Variants in CREBRF observed in about 807,000 individuals in gnomAD.
The protein encoded by CREBRF is UPF0474 protein C5orf41.
CREBRF carries 5 observed loss-of-function variants against 66.1 expected under a neutral mutation model. The observed-to-expected ratio is 0.08, with a 90% CI of 0.04 to 0.16. CREBRF has a LOEUF of 0.16. Among genes scored for constraint, CREBRF ranks in the 10% least tolerant of loss-of-function variants. The pLI is 1.00. For missense variants in CREBRF, 531 were observed against 744.9 expected (o/e 0.71, Z 3.34); for synonymous variants, 229 against 264.4 (o/e 0.87, Z 1.30).
At chr5:173,120,195 CT>C (rs929373557) in intron 7 of CREBRF, among the ~76,000 whole-genome samples, 4 of 151,802 alleles carry the variant, frequency 2.6e-5, no homozygotes, top group African/African-American at 9.7e-5. Context: ...ATCTCTCTTT[CT>C]TTTTTGTTTG....
At chr5:173,065,208 T>C (rs1757398964) in intron 1 of CREBRF, among the ~76,000 whole-genome samples, 1 of 152,198 alleles carries the variant, frequency 6.6e-6, no homozygotes, top group South Asian at 2.1e-4. Flanking sequence ...GAAAAAGTGG[T>C]GTTTGAACTT....
chr5:173,132,766 A>G (rs1240900766), intron 8 of CREBRF, among the ~76,000 whole-genome samples: 1 of 147,676 alleles, frequency 6.8e-6, no homozygotes, highest in Non-Finnish European at 1.5e-5. Context: ...CACCTGGGTA[A>G]TTTTGTGTTT....
intron 4 of CREBRF, among the ~76,000 whole-genome samples, chr5:173,093,811 C>G (rs1452904632): frequency 6.6e-6 from 1 of 152,208 alleles, no homozygotes; most frequent in Non-Finnish European, 1.5e-5. Context: ...GCCACCACAC[C>G]CAGCCCAGTA....
chr5:173,070,519 G>A (rs902738775), intron 1 of CREBRF, among the ~76,000 whole-genome samples: 1 of 152,024 alleles, frequency 6.6e-6, no homozygotes, highest in South Asian at 2.1e-4. Flanking sequence ...AAATAATGAC[G>A]AGGGAGAGAA....
At chr5:173,096,320 CAG>C (rs1366382716) in intron 4 of CREBRF, among the ~76,000 whole-genome samples, 1 of 152,140 alleles carries the variant, frequency 6.6e-6, no homozygotes, top group East Asian at 1.9e-4. Context: ...CATCTACTAA[CAG>C]AGACAATTTC....
intron 5 of CREBRF, 99 bp downstream of exon 5, chr5:173,108,917 C>G (rs1758810179): frequency 1.9e-6 from 2 of 1,067,714 alleles, no homozygotes; most frequent in Middle Eastern, 2.2e-4. Context: ...TCAGCCCTTC[C>G]TAGCAAACTG....
rs1757045148 is a variant in CREBRF, at chr5:173,056,516, G to C, written c.-192+37G>C. 7.5e-6 allele frequency: 3 copies of C among 398,210 alleles called. No individual in the cohort carries two copies. The South Asian group carries it at 3.8e-4, about 51-fold the overall frequency. The allele number at this position is 398,210 out of a possible 1,614,324, so 24.7% of individuals were successfully genotyped here. On this transcript the variant is annotated intron_variant, in intron 1 of 8. Coordinates refer to ENST00000296953, the MANE Select transcript of CREBRF (RefSeq NM_153607.3). ...CACCCGCTGCTCGGAACCCCCAGGGGCCTGGGCTGGGGGAAGAGCGGAACG... is the reference window on the plus strand; with the variant it reads ...CACCCGCTGCTCGGAACCCCCAGGGCCCTGGGCTGGGGGAAGAGCGGAACG...
intron 4 of CREBRF, among the ~76,000 whole-genome samples, chr5:173,099,161 T>C (rs1040820595): frequency 2.0e-5 from 3 of 152,200 alleles, no homozygotes; most frequent in African/African-American, 7.2e-5. Context: ...ACATGCATCC[T>C]TTTTATTTTT....
chr5:173,073,252 C>T (rs1380895835), intron 1 of CREBRF, among the ~76,000 whole-genome samples: 2 of 152,126 alleles, frequency 1.3e-5, no homozygotes, highest in African/African-American at 2.4e-5. Flanking sequence ...AATCTCTTAC[C>T]CTTGCTGTAC....
At chr5:173,096,528 C>T (rs1013536319) in intron 4 of CREBRF, among the ~76,000 whole-genome samples, 12 of 145,086 alleles carry the variant, frequency 8.3e-5, no homozygotes, top group African/African-American at 2.6e-4. Flanking sequence ...GCCCCTTCCC[C>T]CTCCCCTCCC....
chr5:173,100,078 T>TTGTGCGTG (rs1758579758), intron 4 of CREBRF, among the ~76,000 whole-genome samples: 1 of 69,146 alleles, frequency 1.4e-5, no homozygotes, highest in East Asian at 3.4e-4. Context: ...GGCTAATCTT[T>TTGTGCGTG]TGTGTGTGTG....
At chr5:173,072,046 C>T (rs1331151224) in intron 1 of CREBRF, among the ~76,000 whole-genome samples, 1 of 151,944 alleles carries the variant, frequency 6.6e-6, no homozygotes, top group Non-Finnish European at 1.5e-5. Context: ...CAGAGCAAGA[C>T]CCTGTCTCAA....
At chr5:173,107,284 C>A (rs1758770862) in intron 4 of CREBRF, among the ~76,000 whole-genome samples, 1 of 152,066 alleles carries the variant, frequency 6.6e-6, no homozygotes, top group African/African-American at 2.4e-5. Flanking sequence ...TCCTGGTTAC[C>A]TTAGGTTTGG....
rs1758306067 is a variant in CREBRF at position 173,090,881 on chromosome 5, T to C, written c.702T>C (p.Tyr234=). 6.2e-7 allele frequency: 1 copy of C among 1,614,108 alleles called. No homozygotes were observed. Among genetic ancestry groups the C allele is most frequent in the Non-Finnish European group, 8.5e-7 (1 of 1,180,032 alleles). ...KVNFHVECKD[Y]VKKAKVKINP... is the part of the protein sequence containing the mutation. ...ACTTTCATGTTGAATGTAAAGACTATGTAAAAAAGGCAAAGGTAAAGATCA... is the reference window on the plus strand; with the variant it reads ...ACTTTCATGTTGAATGTAAAGACTACGTAAAAAAGGCAAAGGTAAAGATCA... Residue 234 remains tyrosine, a synonymous_variant, in exon 4 of 9, where the codon TAT becomes TAC. Coordinates refer to ENST00000296953, the MANE Select transcript of CREBRF (RefSeq NM_153607.3). The surrounding 1 kb of genome is among the most constrained non-coding windows in gnomAD (Gnocchi z 4.5).
At chr5:173,065,762 C>T (rs1478025903) in intron 1 of CREBRF, among the ~76,000 whole-genome samples, 2 of 151,406 alleles carry the variant, frequency 1.3e-5, no homozygotes, top group Non-Finnish European at 2.9e-5. Flanking sequence ...CCCACCTCAG[C>T]CTCACGAGTA....
At chr5:173,121,030 A>G (rs964749880) in intron 7 of CREBRF, among the ~76,000 whole-genome samples, 1 of 152,036 alleles carries the variant, frequency 6.6e-6, no homozygotes, top group African/African-American at 2.4e-5. Context: ...TTGTGTTTTC[A>G]AGAAATTTGT....
At position 173,110,433 on chromosome 5, in the gene CREBRF, G is replaced by C. The variant is rs781347851; in HGVS notation, c.1418-89G>C. 4.5e-6 allele frequency: 4 copies of C among 882,782 alleles called. No homozygotes were observed. The African/African-American group carries it at 6.5e-5, about 14-fold the overall frequency. The allele number at this position is 882,782 out of a possible 1,614,324, so 54.7% of individuals were successfully genotyped here. Reference sequence around the variant, plus strand: ...AGACTTCTGAAAAGAAAAGGTAGTGGTGGGAAGTGGTTAAAAATGTGGCCG... The same window carrying C: ...AGACTTCTGAAAAGAAAAGGTAGTGCTGGGAAGTGGTTAAAAATGTGGCCG... On this transcript the variant is annotated intron_variant, in intron 5 of 8. Coordinates refer to ENST00000296953, the MANE Select transcript of CREBRF (RefSeq NM_153607.3).
At chr5:173,086,707 G>T (rs1373107251) in intron 3 of CREBRF, 81 bp downstream of exon 3, 5 of 1,225,004 alleles carry the variant, frequency 4.1e-6, no homozygotes, top group Non-Finnish European at 4.4e-6. Flanking sequence ...ATAAATGCCT[G>T]AAAAAAAAAG....
rs1017776149 is a variant in CREBRF, at chr5:173,104,312, C to A, written c.1223-4312C>A. Among the ~76,000 whole-genome samples the A allele has an allele frequency of 4.1e-4, 62 of 152,058 alleles. 1 individual carries two copies. The highest frequency in any genetic ancestry group is 4.3e-4 in the Non-Finnish European group (29 of 67,968). ...ATCTAGTTTGAGAAATATTTAATGA[C>A]CCTAGATTCAAGACCAGTGATCTTG... On this transcript the variant is annotated intron_variant, in intron 4 of 8. Transcript: ENST00000296953.
Sources: allele counts gnomAD v4.1 joint callset (sites outside exome capture counted in the v4.1 genomes callset), GRCh38; gene constraint gnomAD v4.1.1; non-coding constraint Gnocchi (gnomAD v3.1); transcripts MANE v1.5; gene names NCBI Gene and HGNC (gene_info 2026-07-23, HGNC 2026-07-21).